The following CD9 variants were observed in gnomAD, a reference collection of about 807,000 sequenced individuals.
CD9 encodes the protein CD9 molecule.
Under a neutral mutation model 31.4 loss-of-function variants are expected in CD9, and 10 were observed. The ratio of observed to expected loss-of-function variants is 0.32; its 90% CI spans 0.20 to 0.54. CD9 has a LOEUF of 0.54. Among genes scored for constraint, CD9 ranks in the 20% least tolerant of loss-of-function variants. The probability of loss-of-function intolerance (pLI) is 0.94; values close to 1 mark genes in which losing one functional copy is unlikely to be tolerated. For missense variants in CD9, 259 were observed against 300.1 expected (o/e 0.86, Z 1.01); for synonymous variants, 113 against 114.1 (o/e 0.99, Z 0.06).
chr12:6,200,323 C>G (rs1332194334), upstream of CD9: 3 of 380,052 alleles, frequency 7.9e-6, no homozygotes, highest in African/African-American at 6.3e-5. Context: ...CGGCTTTTCC[C>G]GGCACATGCG....
chr12:6,225,506 T>C lies in CD9; in HGVS notation c.147T>C (p.Thr49=). ...CCAAGAGCATCTTCGAGCAAGAAAC[T>C]AATAATAATAATTCCAGCTTCTACA... is the stretch of plus-strand genomic sequence containing the variant. ...SQTKSIFEQE[T]NNNNSSFYTG... is the part of the protein sequence containing the mutation. Residue 49 remains threonine, a synonymous_variant, in exon 2 of 8, where the codon ACT becomes ACC. Coordinates refer to ENST00000009180, the MANE Select transcript of CD9 (RefSeq NM_001769.4). 6.2e-7 allele frequency: 1 copy of C among 1,607,034 alleles called. No individual in the cohort carries two copies. The highest frequency in any genetic ancestry group is 8.5e-7 in the Non-Finnish European group (1 of 1,173,534).
At chr12:6,214,608 C>G (rs1377614970) in intron 1 of CD9, among the ~76,000 whole-genome samples, 1 of 152,110 alleles carries the variant, frequency 6.6e-6, no homozygotes, top group Non-Finnish European at 1.5e-5. Context: ...CTCTCAGCCT[C>G]CCAAAGTGCT....
chr12:6,232,938 C>T lies in CD9; in HGVS notation c.273+209C>T, dbSNP rs1330299364. 1 of 702,650 alleles carries T rather than the reference C, an allele frequency of 1.4e-6. No individual in the cohort carries two copies. Among genetic ancestry groups the T allele is most frequent in the Non-Finnish European group, 2.6e-6 (1 of 384,956 alleles). The allele number at this position is 702,650 out of a possible 1,614,324, so 43.5% of individuals were successfully genotyped here. On this transcript the variant is annotated intron_variant, in intron 3 of 7. Coordinates refer to ENST00000009180, the MANE Select transcript of CD9 (RefSeq NM_001769.4). The surrounding 1 kb of genome is among the most constrained non-coding windows in gnomAD (Gnocchi z 4.8). Reference sequence around the variant, plus strand: ...AGCCTGTCTTATCGCTTCCCCTAGGCAACTAAAAGGACTATGTTTCCCCCT... The same window carrying T: ...AGCCTGTCTTATCGCTTCCCCTAGGTAACTAAAAGGACTATGTTTCCCCCT...
intron 1 of CD9, among the ~76,000 whole-genome samples, chr12:6,208,482 ATAAAGT>A (rs1946156253): frequency 6.6e-6 from 1 of 152,222 alleles, no homozygotes. Context: ...TAAAAATACC[ATAAAGT>A]TAATCAGGCA....
At chr12:6,216,633 T>G (rs755115102) in intron 1 of CD9, among the ~76,000 whole-genome samples, 30 of 152,156 alleles carry the variant, frequency 2.0e-4, no homozygotes, top group Non-Finnish European at 4.1e-4. Flanking sequence ...TTCCCCACTT[T>G]CCTTTGGCCA....
rs527812783 is a variant in CD9 at position 6,232,959 on chromosome 12, C to T, written c.273+230C>T. On this transcript the variant is annotated intron_variant, in intron 3 of 7. Coordinates refer to ENST00000009180, the MANE Select transcript of CD9 (RefSeq NM_001769.4). The surrounding 1 kb of genome is among the most constrained non-coding windows in gnomAD (Gnocchi z 4.8). ...TAGGCAACTAAAAGGACTATGTTTC[C>T]CCCTTTTCTCGAGGACCACGTTTGC... 2.8e-6 allele frequency: 2 copies of T among 702,468 alleles called. No homozygotes were observed. The highest frequency in any genetic ancestry group is 3.5e-5 in the African/African-American group (2 of 57,346). The allele number at this position is 702,468 out of a possible 1,614,324, so 43.5% of individuals were successfully genotyped here. A position where few individuals can be genotyped will look rare whatever the true frequency, so the allele number is the denominator to read the frequency against.
intron 1 of CD9, among the ~76,000 whole-genome samples, chr12:6,210,736 C>T (rs934596761): frequency 6.6e-6 from 1 of 152,016 alleles, no homozygotes; most frequent in Admixed American, 6.6e-5. Flanking sequence ...ACACAAACAG[C>T]TTAACAAAAT....
At chr12:6,229,589 T>A (rs573296261) in intron 2 of CD9, among the ~76,000 whole-genome samples, 1 of 152,228 alleles carries the variant, frequency 6.6e-6, no homozygotes, top group East Asian at 1.9e-4. Flanking sequence ...TGGAGTTATT[T>A]GGATATAATA....
chr12:6,232,786 A>T lies in CD9; in HGVS notation c.273+57A>T, dbSNP rs1385078815. 1 of 1,149,804 alleles carries T rather than the reference A, an allele frequency of 8.7e-7. No individual in the cohort carries two copies. Among genetic ancestry groups the T allele is most frequent in the East Asian group, 2.6e-5 (1 of 39,126 alleles). The allele number at this position is 1,149,804 out of a possible 1,614,324, so 71.2% of individuals were successfully genotyped here. On this transcript the variant is annotated intron_variant, in intron 3 of 7. Transcript: ENST00000009180. This position sits in a 1 kb window ranked among gnomAD's most constrained non-coding sequence, Gnocchi z 4.8. ...CCTGACTCCCACCAACAAAAACCTC[A>T]GCAGGCCCAGACCCAGACCACAGAA...
chr12:6,225,452 T>C lies in CD9; in HGVS notation c.93T>C (p.Ile31=). ...FWLAGIAVLA[I]GLWLRFDSQT... ...TTGCCGGGATTGCTGTCCTTGCCAT[T>C]GGACTATGGCTCCGATTCGACTCTC... Residue 31 remains isoleucine (I), a synonymous_variant, in exon 2 of 8, where the codon ATT becomes ATC. Transcript: ENST00000009180. 1.2e-6 allele frequency: 2 copies of C among 1,613,392 alleles called. No individual in the cohort carries two copies. Among genetic ancestry groups the C allele is most frequent in the South Asian group, 1.1e-5 (1 of 91,070 alleles).
chr12:6,217,068 G>T (rs1185934182), intron 1 of CD9, among the ~76,000 whole-genome samples: 2 of 152,182 alleles, frequency 1.3e-5, no homozygotes, highest in African/African-American at 4.8e-5. Context: ...GAGAAGCTGA[G>T]GAAAGTGTGT....
intron 1 of CD9, among the ~76,000 whole-genome samples, chr12:6,212,071 C>T (rs542417331): frequency 5.3e-5 from 8 of 152,326 alleles, no homozygotes; most frequent in Admixed American, 2.0e-4. Context: ...AAAAAGCTTA[C>T]GGAGTTCCTC....
In CD9 at chr12:6,232,475, G is replaced by C; in HGVS notation, c.176-157G>C. On this transcript the variant is annotated intron_variant, in intron 2 of 7. Coordinates refer to ENST00000009180, the MANE Select transcript of CD9 (RefSeq NM_001769.4). The surrounding 1 kb of genome is among the most constrained non-coding windows in gnomAD (Gnocchi z 4.8). Reference sequence around the variant, plus strand: ...GACCTGGGGCAGAGGTGGAAGAGGAGGCTGTATTTTAAGGAAAGGGAACTT... The same window carrying C: ...GACCTGGGGCAGAGGTGGAAGAGGACGCTGTATTTTAAGGAAAGGGAACTT... 1 of 658,812 alleles carries C rather than the reference G, an allele frequency of 1.5e-6. No homozygotes were observed. Among genetic ancestry groups the C allele is most frequent in the Non-Finnish European group, 2.7e-6 (1 of 365,134 alleles). 40.8% of individuals were successfully genotyped at this position (658,812 alleles called of 1,614,324 possible). A position where few individuals can be genotyped will look rare whatever the true frequency, so the allele number is the denominator to read the frequency against.
chr12:6,235,848 ACT>A lies in CD9; in HGVS notation c.537+286_537+287del, dbSNP rs960177961. On this transcript the variant is annotated intron_variant, in intron 6 of 7. Transcript: ENST00000009180. ...GCGTGCTTCTGAGTCTTGGACTCCCACTCTGACTTTGTCAGTGGCTCCTGTCT... is the reference window on the plus strand; with the variant it reads ...GCGTGCTTCTGAGTCTTGGACTCCCACTGACTTTGTCAGTGGCTCCTGTCT... The A allele has an allele frequency of 5.8e-6, 8 of 1,369,496 alleles. No homozygotes were observed. The Admixed American group carries it at 2.7e-4, about 46-fold the overall frequency. The allele number at this position is 1,369,496 out of a possible 1,614,324, so 84.8% of individuals were successfully genotyped here.
At chr12:6,235,359 G>A (rs766414909) in intron 5 of CD9, 32 bp downstream of exon 5, 15 of 1,614,144 alleles carry the variant, frequency 9.3e-6, no homozygotes, top group Admixed American at 3.3e-5. Flanking sequence ...ACCCTCCTGC[G>A]CTTTCTCCGG....
At chr12:6,209,119 C>A (rs903403199) in intron 1 of CD9, among the ~76,000 whole-genome samples, 3 of 152,168 alleles carry the variant, frequency 2.0e-5, no homozygotes, top group African/African-American at 7.2e-5. Flanking sequence ...CAGGCACATG[C>A]CACCACGCCC....
chr12:6,216,800 C>T (rs976760121), intron 1 of CD9, among the ~76,000 whole-genome samples: 7 of 152,172 alleles, frequency 4.6e-5, no homozygotes, highest in Non-Finnish European at 8.8e-5. Context: ...GCCACCCAGC[C>T]GCCTTCTCCG....
intron 1 of CD9, among the ~76,000 whole-genome samples, chr12:6,208,363 C>T (rs1946155317): frequency 6.6e-6 from 1 of 152,198 alleles, no homozygotes; most frequent in South Asian, 2.1e-4. Context: ...AGCTTCACAG[C>T]TTCAGGTGCC....
chr12:6,223,330 C>A (rs1054018411), intron 1 of CD9, among the ~76,000 whole-genome samples: 1 of 151,808 alleles, frequency 6.6e-6, no homozygotes, highest in African/African-American at 2.4e-5. Context: ...GGCGCAATCT[C>A]CGCTCACTGC....
Sources: allele counts gnomAD v4.1 joint callset (sites outside exome capture counted in the v4.1 genomes callset), GRCh38; gene constraint gnomAD v4.1.1; non-coding constraint Gnocchi (gnomAD v3.1); transcripts MANE v1.5; gene names NCBI Gene and HGNC (gene_info 2026-07-23, HGNC 2026-07-21).